Variants in PLD5 observed in about 807,000 individuals in gnomAD.
The protein encoded by PLD5 is phospholipase D family member 5.
In PLD5, 36 loss-of-function variants were observed where a neutral mutation model predicts 61.1. That is an observed-to-expected ratio of 0.59 (90% CI 0.45 to 0.78). The LOEUF (loss-of-function observed/expected upper bound fraction) is 0.78, where lower values mean the gene tolerates loss of function less well. PLD5 is among the 30% of genes least tolerant of loss of function. The pLI, the probability that PLD5 is intolerant of heterozygous loss-of-function variation, is 0.00. For synonymous variants in PLD5, 243 were observed against 242.8 expected, an observed-to-expected ratio of 1.00 and a Z score of -0.01; for missense variants, 515 against 644.4, an observed-to-expected ratio of 0.80 and a Z score of 2.17.
chr1:242,463,770 G>GC (rs1553380211), intron 1 of PLD5, among the ~76,000 whole-genome samples: 2 of 150,494 alleles, frequency 1.3e-5, no homozygotes, highest in African/African-American at 4.9e-5. Context: ...CCTCTTCTAT[G>GC]AAAAAAAAAT....
At chr1:242,217,846 T>C (rs1670311428) in intron 5 of PLD5, among the ~76,000 whole-genome samples, 1 of 152,166 alleles carries the variant, frequency 6.6e-6, no homozygotes, top group Non-Finnish European at 1.5e-5. Context: ...AACTTGAATG[T>C]ATGAGGAGTT....
chr1:242,446,667 T>C lies in PLD5; in HGVS notation c.189+77421A>G, dbSNP rs989465494. ...ACCGTCTCCCAGTTAGACACAGCTG[T>C]TTAAGGGAAATTGGTCAGAGTAGGA... is the stretch of plus-strand genomic sequence containing the variant. On this transcript the variant is annotated intron_variant, in intron 1 of 9. Transcript: ENST00000536534. Among the ~76,000 whole-genome samples, 3 of 152,122 alleles carry C rather than the reference T, an allele frequency of 2.0e-5. No homozygotes were observed. In the South Asian group the frequency reaches 6.2e-4, roughly 32 times the overall value.
upstream of PLD5, among the ~76,000 whole-genome samples, chr1:242,524,925 G>T (rs1009886877): frequency 1.3e-5 from 2 of 152,050 alleles, no homozygotes; most frequent in Non-Finnish European, 2.9e-5. Context: ...GCCGGCAGGC[G>T]AGGGGAGAAG....
intron 2 of PLD5, among the ~76,000 whole-genome samples, chr1:242,300,878 A>G (rs1176111214): frequency 6.6e-6 from 1 of 152,164 alleles, no homozygotes; most frequent in Non-Finnish European, 1.5e-5. Flanking sequence ...GAGATATGGA[A>G]TACATTTTTA....
At chr1:242,420,827 T>C (rs1281521991) in intron 1 of PLD5, among the ~76,000 whole-genome samples, 1 of 152,082 alleles carries the variant, frequency 6.6e-6, no homozygotes, top group African/African-American at 2.4e-5. Context: ...ATTCTAGTCC[T>C]TTATCTTCAA....
At chr1:242,401,766 CT>C (rs1663947556) in intron 1 of PLD5, among the ~76,000 whole-genome samples, 1 of 152,178 alleles carries the variant, frequency 6.6e-6, no homozygotes, top group South Asian at 2.1e-4. Context: ...CTCTCTGCCC[CT>C]GGTCTGTTCC....
intron 1 of PLD5, among the ~76,000 whole-genome samples, chr1:242,521,286 T>C (rs1503801): frequency 0.35 from 53,607 of 152,130 alleles, 9,678 homozygotes; most frequent in Admixed American, 0.39. Flanking sequence ...AGGTCATTTT[T>C]TTCTTGTCCA....
At chr1:242,304,177 C>T (rs1297666325) in intron 2 of PLD5, among the ~76,000 whole-genome samples, 2 of 152,200 alleles carry the variant, frequency 1.3e-5, no homozygotes, top group Non-Finnish European at 2.9e-5. Flanking sequence ...ATTAAAGCTG[C>T]CATTACCTCC....
chr1:242,377,668 A>ATAAC (rs1662043755), intron 1 of PLD5, among the ~76,000 whole-genome samples: 2 of 152,170 alleles, frequency 1.3e-5, no homozygotes, highest in Admixed American at 1.3e-4. Flanking sequence ...AAATAAATAA[A>ATAAC]ACAAACAACA....
At chr1:242,510,721 T>C (rs898946046) in intron 1 of PLD5, among the ~76,000 whole-genome samples, 1 of 151,912 alleles carries the variant, frequency 6.6e-6, no homozygotes, top group African/African-American at 2.4e-5. Flanking sequence ...GGCAGGCGCC[T>C]GTAGTCCCAG....
chr1:242,198,754 G>A (rs1442060832), intron 5 of PLD5, among the ~76,000 whole-genome samples: 4 of 140,008 alleles, frequency 2.9e-5, no homozygotes, highest in African/African-American at 1.0e-4. Context: ...TTATTATTTT[G>A]AGATGGAGTT....
intron 5 of PLD5, among the ~76,000 whole-genome samples, chr1:242,125,671 C>A (rs1193280199): frequency 6.6e-6 from 1 of 152,180 alleles, no homozygotes; most frequent in Admixed American, 6.5e-5. Context: ...ATTAGGGAAA[C>A]CTTGGCTCTC....
intron 2 of PLD5, among the ~76,000 whole-genome samples, chr1:242,328,023 C>A (rs1400956030): frequency 2.0e-5 from 3 of 152,056 alleles, no homozygotes; most frequent in African/African-American, 7.2e-5. Context: ...TGCAGGAAGT[C>A]ATGGTTGCAC....
At chr1:242,176,223 G>C (rs901240497) in intron 5 of PLD5, among the ~76,000 whole-genome samples, 1 of 152,222 alleles carries the variant, frequency 6.6e-6, no homozygotes, top group East Asian at 1.9e-4. Flanking sequence ...GCATGGTACT[G>C]GTACCAAAAC....
chr1:242,487,173 G>C (rs1427083271), intron 1 of PLD5, among the ~76,000 whole-genome samples: 1 of 151,790 alleles, frequency 6.6e-6, no homozygotes, highest in Non-Finnish European at 1.5e-5. Flanking sequence ...TAACAAACCT[G>C]CACGTTGTGC....
chr1:242,242,625 C>G (rs1672127070), intron 4 of PLD5, among the ~76,000 whole-genome samples: 1 of 152,184 alleles, frequency 6.6e-6, no homozygotes, highest in Admixed American at 6.5e-5. Context: ...CATAATTCCA[C>G]TTTTCTGTGT....
intron 1 of PLD5, 71 bp from the exon 2 acceptor site, chr1:242,348,313 A>G: frequency 6.8e-7 from 1 of 1,468,980 alleles, no homozygotes; most frequent in South Asian, 1.3e-5. Context: ...AGAAGTGACA[A>G]CTTCTCAACA....
intron 1 of PLD5, among the ~76,000 whole-genome samples, chr1:242,367,034 T>C (rs1181725659): frequency 6.6e-6 from 1 of 152,136 alleles, no homozygotes; most frequent in African/African-American, 2.4e-5. Context: ...ACAGAGGGCA[T>C]CTTTTTTAAA....
At chr1:242,522,225 A>T (rs893936508) in intron 1 of PLD5, among the ~76,000 whole-genome samples, 4 of 152,186 alleles carry the variant, frequency 2.6e-5, no homozygotes, top group Non-Finnish European at 4.4e-5. Flanking sequence ...TGATTTTTTT[A>T]AAAATGTATG....
Sources: allele counts gnomAD v4.1 joint callset (sites outside exome capture counted in the v4.1 genomes callset), GRCh38; gene constraint gnomAD v4.1.1; transcripts MANE v1.5; gene names NCBI Gene and HGNC (gene_info 2026-07-23, HGNC 2026-07-21).